The following HIGD1B variants were observed in gnomAD, a reference collection of about 807,000 sequenced individuals.
HIGD1B encodes the protein HIG1 hypoxia inducible domain family member 1B, also known as HIG1 domain family member 1B.
HIGD1B carries 9 observed loss-of-function variants against 8.8 expected under a neutral mutation model. That is an observed-to-expected ratio of 1.02 (90% CI 0.62 to 1.78). The LOEUF is 1.78. HIGD1B is among the 40% of genes most tolerant of loss of function. The pLI is 0.00. For missense variants in HIGD1B, 126 were observed against 111.8 expected (o/e 1.13, Z -0.57); for synonymous variants, 47 against 38.8 (o/e 1.21, Z -0.78).
At chr17:44,845,625 A>G (rs751229120), upstream of HIGD1B, among the ~76,000 whole-genome samples, 2 of 151,902 alleles carry the variant, frequency 1.3e-5, no homozygotes, top group Non-Finnish European at 2.9e-5. Flanking sequence ...TCTCAAAAAC[A>G]AAACAAAACA....
At chr17:44,849,831 G>C (rs897017601) in intron 2 of HIGD1B, 2 of 171,172 alleles carry the variant, frequency 1.2e-5, no homozygotes, top group African/African-American at 4.8e-5. Flanking sequence ...CACATGCTTG[G>C]TGAAGCCCCT....
At chr17:44,845,815 C>T (rs2050317844), upstream of HIGD1B, among the ~76,000 whole-genome samples, 1 of 151,976 alleles carries the variant, frequency 6.6e-6, no homozygotes, top group South Asian at 2.1e-4. Context: ...GCCTGTAATC[C>T]CAGCTACTCG....
chr17:44,845,895 C>G (rs1267910400), upstream of HIGD1B, among the ~76,000 whole-genome samples: 1 of 151,692 alleles, frequency 6.6e-6, no homozygotes, highest in African/African-American at 2.4e-5. Context: ...CGTGCCACTG[C>G]ACTCCAGCCT....
chr17:44,847,459 G>A (rs1233179135), upstream of HIGD1B, among the ~76,000 whole-genome samples: 1 of 152,244 alleles, frequency 6.6e-6, no homozygotes, highest in Non-Finnish European at 1.5e-5. Flanking sequence ...GCATCCCATT[G>A]GCAGAACCCT....
At chr17:44,849,177 G>A in intron 1 of HIGD1B, 77 bp from the exon 2 acceptor site, 1 of 1,541,706 alleles carries the variant, frequency 6.5e-7, no homozygotes, top group Non-Finnish European at 8.8e-7. Flanking sequence ...TGCCCAGCCT[G>A]CCTGGTAAGG....
upstream of HIGD1B, chr17:44,847,834 G>T: frequency 4.8e-6 from 1 of 206,286 alleles, no homozygotes; most frequent in South Asian, 9.4e-5. Flanking sequence ...CTTGGCCCAA[G>T]GATCACACCC....
Position 44,847,950 on chromosome 17 carries a change from G to A in HIGD1B, c.-203G>A. 2.1e-6 allele frequency: 1 copy of A among 485,676 alleles called. No individual in the cohort carries two copies. The highest frequency in any genetic ancestry group is 3.7e-6 in the Non-Finnish European group (1 of 272,222). 30.1% of individuals were successfully genotyped at this position (485,676 alleles called of 1,614,324 possible). A position where few individuals can be genotyped will look rare whatever the true frequency, so the allele number is the denominator to read the frequency against. ...ATGGAGACGGAGAAATGGCACTAATGGCCCAGCCACCTGAGATGGGATACC... is the reference window on the plus strand; with the variant it reads ...ATGGAGACGGAGAAATGGCACTAATAGCCCAGCCACCTGAGATGGGATACC... On this transcript the variant is annotated 5_prime_UTR_variant, in exon 1 of 3. The change abolishes an upstream ATG in the 5' untranslated region. Transcript: ENST00000253410.
At chr17:44,845,856 T>C (rs2050318077), upstream of HIGD1B, among the ~76,000 whole-genome samples, 4 of 151,312 alleles carry the variant, frequency 2.6e-5, no homozygotes, top group Admixed American at 2.6e-4. Flanking sequence ...CACTTGAACC[T>C]GGGAGCGGAG....
In HIGD1B at chr17:44,850,414, G is replaced by A. The variant is rs1383172944; in HGVS notation, c.*18G>A. Reference sequence around the variant, plus strand: ...AGAAGTAGGACTCCTATAGGAGCCGGGGCTGTCCAACTCCCCTAACTCAAT... The same window carrying A: ...AGAAGTAGGACTCCTATAGGAGCCGAGGCTGTCCAACTCCCCTAACTCAAT... On this transcript the variant is annotated 3_prime_UTR_variant, in exon 3 of 3. Coordinates refer to ENST00000253410, the MANE Select transcript of HIGD1B (RefSeq NM_016438.4). 2 of 1,598,532 alleles carry A rather than the reference G, an allele frequency of 1.3e-6. No homozygotes were observed. The highest frequency in any genetic ancestry group is 1.7e-6 in the Non-Finnish European group (2 of 1,167,998).
intron 1 of HIGD1B, among the ~76,000 whole-genome samples, chr17:44,848,931 A>G (rs933975121): frequency 2.6e-5 from 4 of 152,102 alleles, no homozygotes; most frequent in Middle Eastern, 3.4e-3. Context: ...ATGCACCACC[A>G]CGCCCGGCTA....
chr17:44,845,933 A>G (rs568604545), upstream of HIGD1B, among the ~76,000 whole-genome samples: 11 of 144,758 alleles, frequency 7.6e-5, no homozygotes, highest in Middle Eastern at 3.7e-3. Flanking sequence ...TCCATCTCGG[A>G]AAAAAAAAAA....
intron 1 of HIGD1B, among the ~76,000 whole-genome samples, chr17:44,848,543 T>A (rs1004420593): frequency 6.6e-6 from 1 of 152,092 alleles, no homozygotes; most frequent in Non-Finnish European, 1.5e-5. Context: ...GCTTCCTTCC[T>A]TATGGCCCTG....
rs376024307 is a variant in HIGD1B, at chr17:44,850,421, C to T, written c.*25C>T. On this transcript the variant is annotated 3_prime_UTR_variant, in exon 3 of 3. Transcript: ENST00000253410. Reference sequence around the variant, plus strand: ...GGACTCCTATAGGAGCCGGGGCTGTCCAACTCCCCTAACTCAATCCCTGGT... The same window carrying T: ...GGACTCCTATAGGAGCCGGGGCTGTTCAACTCCCCTAACTCAATCCCTGGT... 286 of 1,565,898 alleles carry T rather than the reference C, an allele frequency of 1.8e-4. No homozygotes were observed. Among genetic ancestry groups the T allele is most frequent in the Non-Finnish European group, 2.4e-4 (277 of 1,138,928 alleles).
At chr17:44,847,859 G>GGGGGAA (rs1203373358), upstream of HIGD1B, 15 of 288,886 alleles carry the variant, frequency 5.2e-5, no homozygotes, top group African/African-American at 2.9e-4. Context: ...GGATGCAGAT[G>GGGGGAA]GGGGAAGGGG....
upstream of HIGD1B, among the ~76,000 whole-genome samples, chr17:44,847,574 T>C (rs1249144855): frequency 1.3e-5 from 2 of 152,260 alleles, no homozygotes; most frequent in Non-Finnish European, 2.9e-5. Flanking sequence ...CCAGAATGTG[T>C]TCCTTAGTAC....
chr17:44,846,902 G>A (rs1030246735), upstream of HIGD1B, among the ~76,000 whole-genome samples: 34 of 152,234 alleles, frequency 2.2e-4, no homozygotes, highest in African/African-American at 6.5e-4. Flanking sequence ...TTGGGAAGCC[G>A]AGGTGGGCGG....
chr17:44,848,839 A>G (rs2050366233), intron 1 of HIGD1B, among the ~76,000 whole-genome samples: 1 of 152,012 alleles, frequency 6.6e-6, no homozygotes, highest in African/African-American at 2.4e-5. Flanking sequence ...GCAATGGCAC[A>G]GTCTCGGTTC....
At chr17:44,849,554 G>C (rs1420541380) in intron 2 of HIGD1B, among the ~76,000 whole-genome samples, 166 bp downstream of exon 2, 2 of 152,050 alleles carry the variant, frequency 1.3e-5, no homozygotes, top group Non-Finnish European at 2.9e-5. Context: ...GAGGTCTGGA[G>C]AGAGAGACCA....
Position 44,848,084 on chromosome 17 carries a change from T to C in HIGD1B, c.-69T>C, listed in dbSNP as rs1018519654. ...GACTGAGGAATCAGAGTTCTGATTG[T>C]GGAGTGCCTCTCTCTAGGACGGGGC... On this transcript the variant is annotated 5_prime_UTR_variant, in exon 1 of 3. Coordinates refer to ENST00000253410, the MANE Select transcript of HIGD1B (RefSeq NM_016438.4). 6.4e-6 allele frequency: 5 copies of C among 783,544 alleles called. No individual in the cohort carries two copies. Among genetic ancestry groups the C allele is most frequent in the Non-Finnish European group, 1.1e-5 (5 of 440,662 alleles). 48.5% of individuals were successfully genotyped at this position (783,544 alleles called of 1,614,324 possible). A position where few individuals can be genotyped will look rare whatever the true frequency, so the allele number is the denominator to read the frequency against.
Sources: allele counts gnomAD v4.1 joint callset (sites outside exome capture counted in the v4.1 genomes callset), GRCh38; gene constraint gnomAD v4.1.1; transcripts MANE v1.5; gene names NCBI Gene and HGNC (gene_info 2026-07-23, HGNC 2026-07-21).